The following CDH9 variants were observed in gnomAD, a reference collection of about 807,000 sequenced individuals.
The protein encoded by CDH9 is cadherin 9.
Under a neutral mutation model 70.9 loss-of-function variants are expected in CDH9, and 28 were observed. That is an observed-to-expected ratio of 0.40 (90% CI 0.29 to 0.54). The LOEUF (loss-of-function observed/expected upper bound fraction) is 0.54, where lower values mean the gene tolerates loss of function less well. Among genes scored for constraint, CDH9 ranks in the 20% least tolerant of loss-of-function variants. The probability of loss-of-function intolerance (pLI) is 0.59; values close to 1 mark genes in which losing one functional copy is unlikely to be tolerated. For synonymous variants in CDH9, 409 were observed against 343.1 expected, an observed-to-expected ratio of 1.19 and a Z score of -2.12; for missense variants, 874 against 984.4, an observed-to-expected ratio of 0.89 and a Z score of 1.50.
chr5:26,888,871 A>T (rs1338945539), intron 9 of CDH9, among the ~76,000 whole-genome samples: 3 of 152,138 alleles, frequency 2.0e-5, no homozygotes, highest in Non-Finnish European at 2.9e-5. Context: ...AGAAAGAGAG[A>T]GCATGAGCTC....
intron 2 of CDH9, among the ~76,000 whole-genome samples, chr5:26,973,571 C>T (rs560796959): frequency 1.7e-4 from 26 of 151,912 alleles, no homozygotes; most frequent in Admixed American, 1.1e-3. Context: ...TAACACTATT[C>T]GTCAATTTCA....
At chr5:26,901,482 G>T (rs180732602) in intron 7 of CDH9, among the ~76,000 whole-genome samples, 1 of 151,756 alleles carries the variant, frequency 6.6e-6, no homozygotes, top group Non-Finnish European at 1.5e-5. Context: ...TATTTGGATA[G>T]TCCTAAAATG....
At chr5:27,027,167 A>G (rs1201143440) in intron 1 of CDH9, among the ~76,000 whole-genome samples, 3 of 152,188 alleles carry the variant, frequency 2.0e-5, no homozygotes, top group Non-Finnish European at 4.4e-5. Flanking sequence ...TTCAAGCGAT[A>G]AAGTGTAGAG....
intron 1 of CDH9, among the ~76,000 whole-genome samples, chr5:27,022,431 T>G (rs553813564): frequency 6.6e-6 from 1 of 152,244 alleles, no homozygotes; most frequent in African/African-American, 2.4e-5. Context: ...AATTCCTTGA[T>G]ATAATAATTT....
intron 2 of CDH9, among the ~76,000 whole-genome samples, chr5:26,958,041 G>A (rs1288542278): frequency 6.6e-6 from 1 of 152,076 alleles, no homozygotes; most frequent in Non-Finnish European, 1.5e-5. Context: ...TTCCTGGAGA[G>A]GAGCAAATGG....
chr5:26,955,469 G>T (rs1475282838), intron 2 of CDH9, among the ~76,000 whole-genome samples: 1 of 152,018 alleles, frequency 6.6e-6, no homozygotes, highest in Non-Finnish European at 1.5e-5. Context: ...TAAGTTTTTT[G>T]GGGCTGCCTG....
At chr5:26,889,650 T>C (rs1740621681) in intron 9 of CDH9, among the ~76,000 whole-genome samples, 186 bp downstream of exon 9, 1 of 148,450 alleles carries the variant, frequency 6.7e-6, no homozygotes, top group African/African-American at 2.4e-5. Flanking sequence ...ATTGATTCCA[T>C]TATAAAAACA....
chr5:26,893,133 T>C (rs900490520), intron 7 of CDH9, among the ~76,000 whole-genome samples: 1 of 152,196 alleles, frequency 6.6e-6, no homozygotes, highest in Non-Finnish European at 1.5e-5. Flanking sequence ...ATTTAATCTA[T>C]TGTTTAAGAA....
chr5:26,974,977 G>A (rs35951456), intron 2 of CDH9, among the ~76,000 whole-genome samples: 9,361 of 152,120 alleles, frequency 0.062, 394 homozygotes, highest in Non-Finnish European at 0.092. Flanking sequence ...TTGACCAACA[G>A]CTCTCCATTT....
intron 11 of CDH9, among the ~76,000 whole-genome samples, chr5:26,884,369 A>G (rs931864031): frequency 3.3e-5 from 5 of 152,212 alleles, no homozygotes; most frequent in Non-Finnish European, 5.9e-5. Flanking sequence ...ACATATTTAC[A>G]TGTTGTTCTA....
chr5:26,944,724 A>G (rs1741719357), intron 2 of CDH9, among the ~76,000 whole-genome samples: 1 of 151,664 alleles, frequency 6.6e-6, no homozygotes, highest in Non-Finnish European at 1.5e-5. Context: ...AAATTATTGC[A>G]TACTTGCATA....
At chr5:26,910,493 C>A (rs934392371) in intron 3 of CDH9, among the ~76,000 whole-genome samples, 1 of 152,162 alleles carries the variant, frequency 6.6e-6, no homozygotes, top group African/African-American at 2.4e-5. Context: ...AGCTTTCTCT[C>A]TCTCACACAC....
chr5:26,939,458 T>C (rs1176469573), intron 2 of CDH9, among the ~76,000 whole-genome samples: 1 of 151,468 alleles, frequency 6.6e-6, no homozygotes, highest in Non-Finnish European at 1.5e-5. Context: ...ACATATATAT[T>C]TATACATATG....
intron 3 of CDH9, among the ~76,000 whole-genome samples, chr5:26,910,794 C>G (rs17497628): frequency 0.13 from 19,499 of 152,180 alleles, 1,362 homozygotes; most frequent in Middle Eastern, 0.32. Flanking sequence ...CTTCACACCT[C>G]TATATGAATC....
chr5:26,964,145 T>C (rs934819296), intron 2 of CDH9, among the ~76,000 whole-genome samples: 3 of 152,096 alleles, frequency 2.0e-5, no homozygotes, highest in Admixed American at 6.6e-5. Flanking sequence ...AAGACTCTTA[T>C]CTTCACAAAA....
chr5:26,940,072 T>C (rs1741633508), intron 2 of CDH9, among the ~76,000 whole-genome samples: 1 of 151,310 alleles, frequency 6.6e-6, no homozygotes, highest in Admixed American at 6.6e-5. Flanking sequence ...GGCAGGAGAC[T>C]GAGGCAGGAG....
intron 1 of CDH9, among the ~76,000 whole-genome samples, chr5:26,996,752 A>T (rs959764090): frequency 6.6e-6 from 1 of 151,420 alleles, no homozygotes; most frequent in Non-Finnish European, 1.5e-5. Flanking sequence ...CTATATATCT[A>T]TATCTATATC....
intron 1 of CDH9, among the ~76,000 whole-genome samples, chr5:27,020,769 A>G (rs892148083): frequency 2.0e-5 from 3 of 151,194 alleles, no homozygotes; most frequent in Non-Finnish European, 4.4e-5. Context: ...ATATATGCCT[A>G]GTGTTCAATA....
chr5:26,970,294 T>C (rs1356674409), intron 2 of CDH9, among the ~76,000 whole-genome samples: 1 of 152,036 alleles, frequency 6.6e-6, no homozygotes, highest in African/African-American at 2.4e-5. Context: ...ATTATAGTTA[T>C]TGATCTTATT....
Sources: gnomAD v4.1 joint callset for allele counts (sites outside exome capture counted in the v4.1 genomes callset) on GRCh38, gnomAD v4.1.1 for gene constraint, MANE v1.5 for transcripts, NCBI Gene and HGNC (gene_info 2026-07-23, HGNC 2026-07-21) for gene names.